Variants in RBFOX1 observed in about 807,000 individuals in gnomAD.
RBFOX1 encodes RNA binding fox-1 homolog 1, also known as RNA binding protein fox-1 homolog 1.
A neutral mutation model predicts 57.7 loss-of-function variants in RBFOX1; 8 were observed. That is an observed-to-expected ratio of 0.14 (90% CI 0.08 to 0.25). The LOEUF (loss-of-function observed/expected upper bound fraction) is 0.25, where lower values mean the gene tolerates loss of function less well. Among genes scored for constraint, RBFOX1 ranks in the 10% least tolerant of loss-of-function variants. RBFOX1 has a pLI of 1.00. For missense variants in RBFOX1, 611 were observed against 548.5 expected (o/e 1.11, Z -1.14); for synonymous variants, 326 against 222.4 (o/e 1.47, Z -4.15).
rs549615847 is a variant in RBFOX1, at chr16:6,830,866, A to G, written c.-16+176216A>G. 3.9e-5 allele frequency among the ~76,000 whole-genome samples: 6 copies of G among 152,310 alleles called. No homozygotes were observed. In the South Asian group the frequency reaches 1.2e-3, roughly 32 times the overall value. ...AATCACTCATAAAATTATTCAAGAT[A>G]GTAACTCTCCCACCTCCTGGTCAGG... On this transcript the variant is annotated intron_variant, in intron 3 of 15. Transcript: ENST00000550418.
intron 4 of RBFOX1, among the ~76,000 whole-genome samples, chr16:7,207,865 G>C (rs1334416065): frequency 3.3e-5 from 5 of 152,162 alleles, no homozygotes; most frequent in Admixed American, 3.3e-4. Context: ...AGGAGAGAGA[G>C]CTAAGGAGAA....
intron 2 of RBFOX1, among the ~76,000 whole-genome samples, chr16:6,561,903 A>G (rs1489145737): frequency 3.3e-5 from 5 of 152,162 alleles, no homozygotes; most frequent in Admixed American, 1.3e-4. Context: ...CACTTTGCCT[A>G]ATGAGTATGT....
At chr16:6,407,540 GGT>G (rs71406372) in intron 2 of RBFOX1, among the ~76,000 whole-genome samples, 45 of 53,738 alleles carry the variant, frequency 8.4e-4, no homozygotes, top group Non-Finnish European at 8.7e-4. Flanking sequence ...GAAGGAGAGG[GGT>G]GTGTGTGTGT....
intron 2 of RBFOX1, among the ~76,000 whole-genome samples, chr16:6,350,723 T>G (rs1025569447): frequency 2.0e-5 from 3 of 152,176 alleles, no homozygotes; most frequent in Non-Finnish European, 2.9e-5. Context: ...TTTTCATATT[T>G]AAGCCTCATT....
chr16:7,644,580 G>C (rs187924568), intron 11 of RBFOX1, among the ~76,000 whole-genome samples: 8 of 152,190 alleles, frequency 5.3e-5, no homozygotes, highest in African/African-American at 1.7e-4. Context: ...ATTTTCTTTC[G>C]TAACTGTAGG....
chr16:7,256,203 T>C (rs1434497274), intron 4 of RBFOX1, among the ~76,000 whole-genome samples: 4 of 152,166 alleles, frequency 2.6e-5, no homozygotes, highest in Non-Finnish European at 5.9e-5. Context: ...TGGTATGAGG[T>C]TGGCTCTCCT....
At chr16:6,979,768 C>CA (rs1568198575) in intron 3 of RBFOX1, among the ~76,000 whole-genome samples, 1 of 152,110 alleles carries the variant, frequency 6.6e-6, no homozygotes, top group Admixed American at 6.6e-5. Context: ...TCTAAAAATG[C>CA]AAAAATCATC....
intron 5 of RBFOX1, among the ~76,000 whole-genome samples, chr16:7,559,954 G>T (rs922186611): frequency 1.3e-5 from 2 of 152,218 alleles, no homozygotes. Flanking sequence ...CCTCCCTAAG[G>T]TATAGACAGT....
intron 3 of RBFOX1, among the ~76,000 whole-genome samples, chr16:6,995,111 C>G (rs1441235010): frequency 1.3e-5 from 2 of 152,090 alleles, no homozygotes; most frequent in African/African-American, 2.4e-5. Context: ...CAACCATAGT[C>G]TGTTATCTGT....
chr16:5,569,909 G>A (rs541153710), intron 2 of RBFOX1, among the ~76,000 whole-genome samples: 7 of 152,258 alleles, frequency 4.6e-5, no homozygotes, highest in African/African-American at 1.4e-4. Context: ...AGAACAAGAC[G>A]TAATGTCAGT....
intron 4 of RBFOX1, among the ~76,000 whole-genome samples, chr16:5,924,100 C>A (rs918652430): frequency 6.6e-6 from 1 of 151,964 alleles, no homozygotes; most frequent in Non-Finnish European, 1.5e-5. Context: ...CTGGTAGTTC[C>A]CCTCCTTGCA....
chr16:5,970,210 A>T (rs2059935500), intron 4 of RBFOX1, among the ~76,000 whole-genome samples: 1 of 152,056 alleles, frequency 6.6e-6, no homozygotes, highest in South Asian at 2.1e-4. Context: ...TTATATCTTG[A>T]CATTCATGAA....
chr16:5,965,039 G>C (rs1194513885), intron 4 of RBFOX1, among the ~76,000 whole-genome samples: 1 of 152,220 alleles, frequency 6.6e-6, no homozygotes. Flanking sequence ...GATACAGAAA[G>C]ACACAAATAC....
rs76945584 is a variant in RBFOX1 at position 7,043,251 on chromosome 16, C to A, written c.-15-8806C>A. Among the ~76,000 whole-genome samples, 687 of 152,254 alleles carry A rather than the reference C, an allele frequency of 4.5e-3. 4 individuals are homozygous for A. Among genetic ancestry groups the A allele is most frequent in the African/African-American group, 0.016 (646 of 41,554 alleles). ...GGGTTGGTGCATCTCCTTTGAGCAC[C>A]CCTGGAACCCTGTTTTTTCTTTTCT... On this transcript the variant is annotated intron_variant, in intron 3 of 15. Coordinates refer to ENST00000550418, the MANE Select transcript of RBFOX1 (RefSeq NM_018723.4).
chr16:5,253,530 T>G (rs1322825454), intron 1 of RBFOX1, among the ~76,000 whole-genome samples: 1 of 152,056 alleles, frequency 6.6e-6, no homozygotes, highest in African/African-American at 2.4e-5. Flanking sequence ...AGCCTGAGGG[T>G]GTATATGTGT....
intron 3 of RBFOX1, among the ~76,000 whole-genome samples, chr16:7,021,121 C>G (rs183331235): frequency 2.0e-5 from 3 of 151,914 alleles, no homozygotes; most frequent in Non-Finnish European, 4.4e-5. Flanking sequence ...GAGCAAGACT[C>G]TTTTTCAAAA....
At chr16:7,127,984 C>G (rs571881509) in intron 4 of RBFOX1, among the ~76,000 whole-genome samples, 32 of 152,284 alleles carry the variant, frequency 2.1e-4, no homozygotes, top group Admixed American at 6.5e-4. Context: ...TTCAGATGCA[C>G]AAATACACGG....
intron 3 of RBFOX1, among the ~76,000 whole-genome samples, chr16:5,649,361 G>A (rs1030672683): frequency 6.6e-6 from 1 of 152,010 alleles, no homozygotes; most frequent in African/African-American, 2.4e-5. Context: ...GTACAGACGG[G>A]GTTTCGCCAT....
At chr16:6,862,384 G>A (rs995140167) in intron 3 of RBFOX1, among the ~76,000 whole-genome samples, 1 of 152,128 alleles carries the variant, frequency 6.6e-6, no homozygotes, top group African/African-American at 2.4e-5. Flanking sequence ...CCCAGAGCAG[G>A]TTCAATGAAA....
Sources: gnomAD v4.1 joint callset for allele counts (sites outside exome capture counted in the v4.1 genomes callset) on GRCh38, gnomAD v4.1.1 for gene constraint, MANE v1.5 for transcripts, NCBI Gene and HGNC (gene_info 2026-07-23, HGNC 2026-07-21) for gene names.